SLCO1B3: variants seen among roughly 807,000 people sequenced by gnomAD.
The protein encoded by SLCO1B3 is liver-specific organic anion transporter 2.
Under a neutral mutation model 71.8 loss-of-function variants are expected in SLCO1B3, and 72 were observed. The ratio of observed to expected loss-of-function variants is 1.00; its 90% CI spans 0.83 to 1.22. SLCO1B3 has a LOEUF of 1.22. Among genes scored for constraint, SLCO1B3 ranks in the 50% most tolerant of loss-of-function variants. The pLI is 0.00. For synonymous variants in SLCO1B3, 298 were observed against 278.4 expected (o/e 1.07, Z -0.70); for missense variants, 911 against 819.7 (o/e 1.11, Z -1.36).
chr12:20,890,714 T>C (rs1865887379), intron 13 of SLCO1B3, among the ~76,000 whole-genome samples: 1 of 152,200 alleles, frequency 6.6e-6, no homozygotes, highest in East Asian at 1.9e-4. Context: ...GTTGGGTTTA[T>C]ATGTTTGGAA....
At chr12:20,814,427 G>C (rs182634947) in intron 2 of SLCO1B3, among the ~76,000 whole-genome samples, 1 of 151,958 alleles carries the variant, frequency 6.6e-6, no homozygotes, top group African/African-American at 2.4e-5. Context: ...AATAGTTAAC[G>C]ATATAGAACT....
At chr12:20,886,836 C>T (rs1353649530) in intron 13 of SLCO1B3, among the ~76,000 whole-genome samples, 2 of 152,006 alleles carry the variant, frequency 1.3e-5, no homozygotes, top group South Asian at 2.1e-4. Context: ...ACTTTATATT[C>T]AATAGGTAGT....
At chr12:20,814,672 G>C (rs954018920) in intron 2 of SLCO1B3, among the ~76,000 whole-genome samples, 50 of 152,110 alleles carry the variant, frequency 3.3e-4, no homozygotes, top group Non-Finnish European at 6.2e-4. Flanking sequence ...GGGCGGATCA[G>C]GAGGTCAGGA....
intron 3 of SLCO1B3, among the ~76,000 whole-genome samples, chr12:20,842,716 T>G (rs186440733): frequency 4.1e-4 from 62 of 152,350 alleles, no homozygotes; most frequent in African/African-American, 1.4e-3. Context: ...GCCAATTTAC[T>G]CCCTTCCCTG....
intron 12 of SLCO1B3, among the ~76,000 whole-genome samples, chr12:20,883,023 C>G (rs1045963228): frequency 6.6e-6 from 1 of 152,134 alleles, no homozygotes; most frequent in Non-Finnish European, 1.5e-5. Context: ...CCTCTGCACT[C>G]TGTCCCATTT....
At chr12:20,811,565 T>A (rs559608805) in intron 1 of SLCO1B3, among the ~76,000 whole-genome samples, 2 of 152,306 alleles carry the variant, frequency 1.3e-5, no homozygotes, top group Admixed American at 1.3e-4. Flanking sequence ...TGGTTTTCTA[T>A]AACCCCTTAA....
intron 8 of SLCO1B3, among the ~76,000 whole-genome samples, chr12:20,866,288 C>G (rs1404483052): frequency 1.3e-5 from 2 of 151,766 alleles, no homozygotes; most frequent in Non-Finnish European, 2.9e-5. Context: ...CATTGTAAAA[C>G]AAAAACAAAA....
intron 14 of SLCO1B3, among the ~76,000 whole-genome samples, chr12:20,900,411 C>T (rs1336040672): frequency 6.6e-6 from 1 of 152,106 alleles, no homozygotes; most frequent in Non-Finnish European, 1.5e-5. Flanking sequence ...GTTCTGCCAT[C>T]TGAATGATAG....
chr12:20,909,512 T>C (rs969740836), intron 15 of SLCO1B3, among the ~76,000 whole-genome samples: 1 of 151,798 alleles, frequency 6.6e-6, no homozygotes, highest in East Asian at 2.0e-4. Context: ...CACCTCTATA[T>C]TTTTTGTGGG....
At chr12:20,845,838 G>A (rs1864907498) in intron 3 of SLCO1B3, among the ~76,000 whole-genome samples, 1 of 152,222 alleles carries the variant, frequency 6.6e-6, no homozygotes, top group East Asian at 1.9e-4. Flanking sequence ...CACTATAATT[G>A]TGTTGCTGTC....
At chr12:20,825,426 G>C (rs189033132) in intron 3 of SLCO1B3, among the ~76,000 whole-genome samples, 435 of 152,162 alleles carry the variant, frequency 2.9e-3, no homozygotes, top group Non-Finnish European at 4.7e-3. Context: ...TGAAGATGAG[G>C]GTTTGACTGG....
intron 11 of SLCO1B3, 75 bp from the exon 12 acceptor site, chr12:20,880,780 C>T: frequency 1.0e-6 from 1 of 983,002 alleles, no homozygotes; most frequent in Non-Finnish European, 1.5e-6. Context: ...CTCCTTATCC[C>T]CTTGTCTCCC....
At chr12:20,888,880 G>A (rs1046449262) in intron 13 of SLCO1B3, among the ~76,000 whole-genome samples, 15 of 151,880 alleles carry the variant, frequency 9.9e-5, no homozygotes, top group Non-Finnish European at 1.6e-4. Context: ...GCCTAGTTTG[G>A]TAAGTGTTTT....
intron 3 of SLCO1B3, among the ~76,000 whole-genome samples, chr12:20,828,194 T>A (rs2121117879): frequency 6.6e-6 from 1 of 152,038 alleles, no homozygotes; most frequent in South Asian, 2.1e-4. Flanking sequence ...GGACATGTAA[T>A]GCTTTTACGG....
intron 15 of SLCO1B3, among the ~76,000 whole-genome samples, chr12:20,908,878 G>A (rs1410243764): frequency 6.6e-6 from 1 of 152,116 alleles, no homozygotes; most frequent in Non-Finnish European, 1.5e-5. Context: ...TATAGATACA[G>A]GTCTCAACTT....
rs780116004 is a variant in SLCO1B3, at chr12:20,879,417, T to C, written c.1136-19T>C. On this transcript the variant is annotated intron_variant, in intron 10 of 15. Transcript: ENST00000381545. ...CATATTTGTATAATTATAGCTTTTT[T>C]CTCTTCTTTTATTTCTAGGAATCAT... 9 of 1,527,562 alleles carry C rather than the reference T, an allele frequency of 5.9e-6. No homozygotes were observed. In the South Asian group the frequency reaches 9.4e-5, roughly 16 times the overall value. 94.6% of individuals were successfully genotyped at this position (1,527,562 alleles called of 1,614,324 possible).
intron 3 of SLCO1B3, among the ~76,000 whole-genome samples, chr12:20,836,928 A>C (rs1403829652): frequency 1.3e-5 from 2 of 152,220 alleles, no homozygotes; most frequent in African/African-American, 4.8e-5. Flanking sequence ...GGCGTGAGCC[A>C]CTGTGCTAGG....
At chr12:20,914,175 T>C (rs1866444917) in intron 15 of SLCO1B3, among the ~76,000 whole-genome samples, 1 of 152,168 alleles carries the variant, frequency 6.6e-6, no homozygotes, top group Admixed American at 6.5e-5. Context: ...GCTCTCCTTG[T>C]TCTTTGATCC....
At chr12:20,877,977 A>G (rs1865617037) in intron 10 of SLCO1B3, 41 bp downstream of exon 10, 2 of 1,276,594 alleles carry the variant, frequency 1.6e-6, no homozygotes, top group Admixed American at 2.2e-5. Flanking sequence ...TAAATGAAAC[A>G]CTGCTGAGTA....
Sources: gnomAD v4.1 joint callset for allele counts (sites outside exome capture counted in the v4.1 genomes callset) on GRCh38, gnomAD v4.1.1 for gene constraint, MANE v1.5 for transcripts, NCBI Gene and HGNC (gene_info 2026-07-23, HGNC 2026-07-21) for gene names.